The following SCNN1D variants were observed in gnomAD, a reference collection of about 807,000 sequenced individuals.
The protein encoded by SCNN1D is sodium channel epithelial 1 subunit delta.
Under a neutral mutation model 87.8 loss-of-function variants are expected in SCNN1D, and 104 were observed. The observed-to-expected ratio is 1.18, with a 90% confidence interval of 1.01 to 1.39. The LOEUF (loss-of-function observed/expected upper bound fraction) is 1.39. SCNN1D is among the 40% of genes most tolerant of loss of function. SCNN1D has a pLI of 0.00. For missense variants in SCNN1D, 1,324 were observed against 1,093.9 expected (o/e 1.21, Z -2.97); for synonymous variants, 628 against 481.2 (o/e 1.31, Z -3.99).
In SCNN1D at chr1:1,281,251, C is replaced by A; in HGVS notation, c.31C>A (p.Pro11Thr). 6.5e-7 allele frequency: 1 copy of A among 1,535,742 alleles called. No homozygotes were observed. The highest frequency in any genetic ancestry group is 1.4e-5 in the African/African-American group (1 of 73,156). MRAVLSQKTT[P>T]LPRYLWPGHL... ...GGCAGTGCTGTCACAGAAGACAACA[C>A]CGCTCCCTCGTTACCTGTGGCCCGG... Residue 11 changes from proline to threonine, a missense_variant, in exon 2 of 18, where the codon CCG becomes ACG. Coordinates refer to ENST00000379116, the MANE Select transcript of SCNN1D (RefSeq NM_001130413.4).
rs558990025 is a variant in SCNN1D at position 1,290,958 on chromosome 1, G to A, written c.1976+5G>A. On this transcript the variant is annotated splice_donor_5th_base_variant and intron_variant, in intron 16 of 17. Coordinates refer to ENST00000379116, the MANE Select transcript of SCNN1D (RefSeq NM_001130413.4). ...GCATCAGAGCCACAGACAGAGGTGG[G>A]TGCACCCTCCCCCTCCAGAGAGGCA... 2 of 1,606,238 alleles carry A rather than the reference G, an allele frequency of 1.2e-6. No homozygotes were observed. Among genetic ancestry groups the A allele is most frequent in the South Asian group, 2.2e-5 (2 of 90,038 alleles).
rs751882083 is a variant in SCNN1D at position 1,281,287 on chromosome 1, G to A, written c.67G>A (p.Gly23Ser). Residue 23 changes from glycine (G) to serine (S), a missense_variant, in exon 2 of 18, where the codon GGC (glycine) becomes AGC (serine). Gly to Ser is a moderately conservative substitution (Grantham distance 56, BLOSUM62 0). Transcript: ENST00000379116. ...TTACCTGTGGCCCGGCCACCTCAGC[G>A]GCCCAAGGAGGTGAGCTCACAGCCA... ...PRYLWPGHLSGPRRLTWSWCS... is the reference protein window; with the variant it reads ...PRYLWPGHLSSPRRLTWSWCS... 4.9e-5 allele frequency: 76 copies of A among 1,535,676 alleles called. No individual in the cohort carries two copies. The highest frequency in any genetic ancestry group is 2.9e-4 in the East Asian group (12 of 40,936).
chr1:1,287,747 A>G lies in SCNN1D; in HGVS notation c.1474A>G (p.Met492Val). The change falls in exon 11 of 18, where the codon ATG becomes GTG. Residue 492 changes from methionine to valine, a missense_variant. Coordinates refer to ENST00000379116, the MANE Select transcript of SCNN1D (RefSeq NM_001130413.4). ...LLSTLAGIRVMVHGRNHTPFL... is the reference protein window; with the variant it reads ...LLSTLAGIRVVVHGRNHTPFL... ...GTCCACGCTGGCCGGCATCAGGGTC[A>G]TGGTTCACGGCCGTAACCACACGCC... The G allele has an allele frequency of 2.5e-6, 4 of 1,606,938 alleles. No individual in the cohort carries two copies. The highest frequency in any genetic ancestry group is 3.4e-6 in the Non-Finnish European group (4 of 1,177,214).
rs549145079 is a variant in SCNN1D, at chr1:1,286,670, T to C, written c.912-98T>C. On this transcript the variant is annotated intron_variant, in intron 7 of 17. Transcript: ENST00000379116. ...AGCTCACCCCACTGGGCGTCCCGAG[T>C]AGGGGAGGCACTGCTGTCCCGACAG... The C allele has an allele frequency of 1.4e-5, 17 of 1,174,782 alleles. No homozygotes were observed. The African/African-American group carries it at 2.6e-4, about 18-fold the overall frequency. 72.8% of individuals were successfully genotyped at this position (1,174,782 alleles called of 1,614,324 possible). A position where few individuals can be genotyped will look rare whatever the true frequency, so the allele number is the denominator to read the frequency against.
chr1:1,282,998 C>A (rs1031348426), intron 4 of SCNN1D, among the ~76,000 whole-genome samples: 1 of 151,978 alleles, frequency 6.6e-6, no homozygotes, highest in African/African-American at 2.4e-5. Flanking sequence ...GTGATCCGCC[C>A]GCCTCGGCCT....
chr1:1,285,531 C>T (rs529810982), intron 5 of SCNN1D, 40 bp from the exon 6 acceptor site: 92 of 1,358,460 alleles, frequency 6.8e-5, no homozygotes, highest in South Asian at 4.1e-4. Flanking sequence ...AGACCCCACG[C>T]GGGGCGCATG....
Position 1,285,643 on chromosome 1 carries a change from C to A in SCNN1D, c.537C>A (p.Asn179Lys), listed in dbSNP as rs949354017. 44 of 1,546,456 alleles carry A rather than the reference C, an allele frequency of 2.8e-5. No homozygotes were observed. In the Middle Eastern group the frequency reaches 5.0e-4, roughly 18 times the overall value. The change falls in exon 6 of 18, where the codon AAC becomes AAA. Residue 179 changes from asparagine (N) to lysine (K), a missense_variant. Coordinates refer to ENST00000379116, the MANE Select transcript of SCNN1D (RefSeq NM_001130413.4). ...GGCAGCACAGACCCACTCAGCACAA[C>A]GCTGCCTGCAAACAGGGCCAGGTAG... ...KGWQHRPTQH[N>K]AACKQGQAAA...
In SCNN1D at chr1:1,287,606, A is replaced by C. The variant is rs1364974103; in HGVS notation, c.1399+10A>C. 1 of 1,606,230 alleles carries C rather than the reference A, an allele frequency of 6.2e-7. No homozygotes were observed. Among genetic ancestry groups the C allele is most frequent in the African/African-American group, 1.3e-5 (1 of 74,776 alleles). On this transcript the variant is annotated intron_variant, in intron 10 of 17. Transcript: ENST00000379116. Reference sequence around the variant, plus strand: ...CCCGGCATCACCCACGGTGGGTGCCAGCCCCTGGCCGGTGCGGGGGCAGGG... The same window carrying C: ...CCCGGCATCACCCACGGTGGGTGCCCGCCCCTGGCCGGTGCGGGGGCAGGG...
At chr1:1,286,327 C>A in intron 7 of SCNN1D, 49 bp downstream of exon 7, 1 of 1,409,400 alleles carries the variant, frequency 7.1e-7, no homozygotes, top group Non-Finnish European at 9.6e-7. Context: ...CAGCTCCTTG[C>A]CCCTGTGACC....
chr1:1,281,000 C>A (rs1278209008), intron 1 of SCNN1D: 1 of 593,684 alleles, frequency 1.7e-6, no homozygotes, highest in Non-Finnish European at 3.0e-6. Context: ...GGAGGCTGTT[C>A]ACCTGCCTGG....
chr1:1,286,294 G>A lies in SCNN1D; in HGVS notation c.911+16G>A, dbSNP rs1278535728. 12 of 1,543,472 alleles carry A rather than the reference G, an allele frequency of 7.8e-6. No homozygotes were observed. The highest frequency in any genetic ancestry group is 1.7e-4 in the Middle Eastern group (1 of 5,912). On this transcript the variant is annotated intron_variant, in intron 7 of 17. Transcript: ENST00000379116. Reference sequence around the variant, plus strand: ...ACCCACGTCGGTGAGGGCCAGGGCTGTCGGCGGGAGGGGTGGCCGCCCCAG... The same window carrying A: ...ACCCACGTCGGTGAGGGCCAGGGCTATCGGCGGGAGGGGTGGCCGCCCCAG...
rs781255209 is a variant in SCNN1D at position 1,285,553 on chromosome 1, G to A, written c.465-18G>A. 3.4e-5 allele frequency: 51 copies of A among 1,494,590 alleles called. No homozygotes were observed. The highest frequency in any genetic ancestry group is 1.8e-4 in the Middle Eastern group (1 of 5,428). The allele number at this position is 1,494,590 out of a possible 1,614,324, so 92.6% of individuals were successfully genotyped here. ...ACGCGGGGCGCATGGACACGCTACCGTACTTGCCTTTGGGTAGATCGCCTG... is the reference window on the plus strand; with the variant it reads ...ACGCGGGGCGCATGGACACGCTACCATACTTGCCTTTGGGTAGATCGCCTG... On this transcript the variant is annotated intron_variant, in intron 5 of 17. Transcript: ENST00000379116.
At chr1:1,282,800 T>C (rs1640498155) in intron 4 of SCNN1D, among the ~76,000 whole-genome samples, 4 of 151,642 alleles carry the variant, frequency 2.6e-5, no homozygotes. Flanking sequence ...TCGCCCAGGC[T>C]GGAGTGCAGT....
intron 12 of SCNN1D, among the ~76,000 whole-genome samples, chr1:1,288,255 TCCCGTGTCTCTGCTCCGTCC>T (rs1640662946): frequency 8.9e-6 from 1 of 112,136 alleles, no homozygotes; most frequent in Non-Finnish European, 1.8e-5. Context: ...CTCTGCTCCG[TCCCGTGTCTCTGCTCCGTCC>T]CCCGAGTCTC....
At chr1:1,285,117 C>T (rs888297269) in intron 5 of SCNN1D, among the ~76,000 whole-genome samples, 2 of 152,202 alleles carry the variant, frequency 1.3e-5, no homozygotes, top group African/African-American at 4.8e-5. Flanking sequence ...TGCCTGGAGG[C>T]CTGTGCGGCC....
In SCNN1D at chr1:1,287,170, A is replaced by G. The variant is rs747592628; in HGVS notation, c.1181A>G (p.Gln394Arg). The change falls in exon 9 of 18, where the codon CAG becomes CGG. Residue 394 changes from glutamine to arginine, a missense_variant. By Grantham distance (43) the Gln-to-Arg change is conservative. Coordinates refer to ENST00000379116, the MANE Select transcript of SCNN1D (RefSeq NM_001130413.4). ...RGYTSGVAAVQDWYHFHYVDI... is the reference protein window; with the variant it reads ...RGYTSGVAAVRDWYHFHYVDI... The stretch of plus-strand genomic sequence containing the variant: ...TACACGTCAGGCGTGGCGGCTGTCC[A>G]GGACTGGTACCACTTCCACTATGTG... The G allele has an allele frequency of 1.2e-6, 2 of 1,611,848 alleles. No homozygotes were observed. The highest frequency in any genetic ancestry group is 2.2e-5 in the South Asian group (2 of 91,030).
intron 5 of SCNN1D, among the ~76,000 whole-genome samples, chr1:1,284,328 G>A (rs1198029584): frequency 1.7e-5 from 2 of 117,004 alleles, no homozygotes; most frequent in Admixed American, 1.7e-4. Context: ...GGGTGGGGGG[G>A]TGGGGCTGGC....
intron 3 of SCNN1D, chr1:1,281,939 GC>G (rs1640478386): frequency 1.8e-6 from 1 of 567,004 alleles, no homozygotes; most frequent in Non-Finnish European, 3.1e-6. Context: ...ACAATCTCTG[GC>G]AAGCACCTAG....
Position 1,281,587 on chromosome 1 carries a change from G to A in SCNN1D, c.254G>A (p.Gly85Asp). 6.5e-7 allele frequency: 1 copy of A among 1,535,734 alleles called. No individual in the cohort carries two copies. Among genetic ancestry groups the A allele is most frequent in the Non-Finnish European group, 8.7e-7 (1 of 1,146,762 alleles). ...LCGYPLCLLSGPIQGCGTGLG... is the reference protein window; with the variant it reads ...LCGYPLCLLSDPIQGCGTGLG... ...GGCTACCCCCTCTGCCTACTCTCTG[G>A]CCCGATACAGGGGTGTGGGACAGGT... Residue 85 changes from glycine to aspartate, a missense_variant, in exon 3 of 18, where the codon GGC becomes GAC. Transcript: ENST00000379116.
Sources: gnomAD v4.1 joint callset for allele counts (sites outside exome capture counted in the v4.1 genomes callset) on GRCh38, gnomAD v4.1.1 for gene constraint, MANE v1.5 for transcripts, NCBI Gene and HGNC (gene_info 2026-07-23, HGNC 2026-07-21) for gene names.